Variants in ANKRD11 observed in about 807,000 individuals in gnomAD.
ANKRD11 encodes the protein ankyrin repeat domain-containing protein 11.
In ANKRD11, 17 loss-of-function variants were observed where a neutral mutation model predicts 195.7. That is an observed-to-expected ratio of 0.09 (90% CI 0.06 to 0.13). ANKRD11 has a LOEUF of 0.13. Among genes scored for constraint, ANKRD11 ranks in the 10% least tolerant of loss-of-function variants. The pLI is 1.00. For missense variants in ANKRD11, 3,735 were observed against 3,566.1 expected, an observed-to-expected ratio of 1.05 and a Z score of -1.21; for synonymous variants, 1,953 against 1,528.1, an observed-to-expected ratio of 1.28 and a Z score of -6.49.
chr16:89,477,157 T>C (rs889319291), intron 1 of ANKRD11, among the ~76,000 whole-genome samples: 1 of 151,666 alleles, frequency 6.6e-6, no homozygotes, highest in Admixed American at 6.6e-5. Context: ...ACAGGCACAA[T>C]AGAAGTATAA....
chr16:89,284,326 G>A lies in ANKRD11; in HGVS notation c.2216C>T (p.Ser739Leu), dbSNP rs146294483. 2.6e-4 allele frequency: 425 copies of A among 1,613,560 alleles called. No individual in the cohort carries two copies. The highest frequency in any genetic ancestry group is 3.3e-4 in the Non-Finnish European group (386 of 1,179,972). The change falls in exon 9 of 13, where the codon TCG becomes TTG. Residue 739 changes from serine to leucine, a missense_variant. Physicochemically the swap from Ser to Leu is moderately radical, Grantham distance 145. Transcript: ENST00000301030. ...CGATCTCTCCTTTTCTGCTTTATTC[G>A]AACGGTCTTTCTCTTCTCGGAAAGA... ...SRSFREEKDR[S>L]NKAEKERSLK...
chr16:89,285,135 G>A lies in ANKRD11; in HGVS notation c.1407C>T (p.Phe469=), dbSNP rs201654291. The change falls in exon 9 of 13, where the codon TTC becomes TTT. Residue 469 remains phenylalanine (F), a synonymous_variant. Coordinates refer to ENST00000301030, the MANE Select transcript of ANKRD11 (RefSeq NM_013275.6). The surrounding 1 kb of genome is among the most constrained non-coding windows in gnomAD (Gnocchi z 5.6). ...KKETKGREVR[F]GKRSDKFCSS... is the part of the protein sequence containing the mutation. ...AGCAGAACTTGTCGCTCCGCTTTCC[G>A]AAGCGAACCTCTCTGCCTTTTGTTT... 29 of 1,613,606 alleles carry A rather than the reference G, an allele frequency of 1.8e-5. No homozygotes were observed. Among genetic ancestry groups the A allele is most frequent in the Admixed American group, 1.0e-4 (6 of 60,026 alleles).
At chr16:89,475,506 G>T (rs1421567428) in intron 1 of ANKRD11, among the ~76,000 whole-genome samples, 3 of 152,140 alleles carry the variant, frequency 2.0e-5, no homozygotes, top group Non-Finnish European at 4.4e-5. Context: ...GTCAGGAAAA[G>T]AATTTTGATA....
chr16:89,383,442 G>A (rs928173984), intron 2 of ANKRD11, among the ~76,000 whole-genome samples: 4 of 152,196 alleles, frequency 2.6e-5, no homozygotes, highest in African/African-American at 9.7e-5. Context: ...TCAGAAAGGC[G>A]CTGTATCTAC....
chr16:89,426,989 G>A (rs2042743337), intron 1 of ANKRD11, among the ~76,000 whole-genome samples: 1 of 152,184 alleles, frequency 6.6e-6, no homozygotes, highest in African/African-American at 2.4e-5. Flanking sequence ...AGGAACCTCA[G>A]AATGAGATAC....
intron 1 of ANKRD11, among the ~76,000 whole-genome samples, chr16:89,434,743 T>C (rs1181182444): frequency 6.6e-6 from 1 of 152,240 alleles, no homozygotes; most frequent in Admixed American, 6.5e-5. Flanking sequence ...AGCCAAGGTC[T>C]TCTAGTTTGT....
chr16:89,433,354 T>C (rs2043079704), intron 1 of ANKRD11, among the ~76,000 whole-genome samples: 1 of 152,236 alleles, frequency 6.6e-6, no homozygotes, highest in African/African-American at 2.4e-5. Context: ...AAGTGTCCGT[T>C]GTCTCCTCTG....
intron 2 of ANKRD11, among the ~76,000 whole-genome samples, chr16:89,394,081 C>T (rs1422778174): frequency 1.3e-5 from 2 of 152,198 alleles, no homozygotes; most frequent in South Asian, 2.1e-4. Flanking sequence ...CTCCCTAGCC[C>T]TCCTGGAGAC....
intron 1 of ANKRD11, among the ~76,000 whole-genome samples, chr16:89,479,156 C>T (rs2057355377): frequency 6.6e-6 from 1 of 152,070 alleles, no homozygotes; most frequent in Admixed American, 6.6e-5. Flanking sequence ...CAACCCAACC[C>T]AGTCCCTGAA....
At chr16:89,309,605 C>T (rs954038152) in intron 3 of ANKRD11, among the ~76,000 whole-genome samples, 4 of 152,210 alleles carry the variant, frequency 2.6e-5, no homozygotes, top group Non-Finnish European at 5.9e-5. Flanking sequence ...AGGCTTGCCC[C>T]GAGCTGCCTA....
chr16:89,329,702 G>A (rs1405940259), intron 2 of ANKRD11, among the ~76,000 whole-genome samples: 1 of 152,200 alleles, frequency 6.6e-6, no homozygotes, highest in East Asian at 1.9e-4. Flanking sequence ...TTGGAATCAT[G>A]CATTTTACAT....
At chr16:89,427,775 G>A (rs1203386618) in intron 1 of ANKRD11, among the ~76,000 whole-genome samples, 1 of 151,702 alleles carries the variant, frequency 6.6e-6, no homozygotes, top group Non-Finnish European at 1.5e-5. Context: ...TTCCAGCCTG[G>A]GAGACAGAGT....
At chr16:89,438,623 GT>G (rs2043316301) in intron 1 of ANKRD11, among the ~76,000 whole-genome samples, 2 of 152,040 alleles carry the variant, frequency 1.3e-5, no homozygotes, top group Admixed American at 1.3e-4. Flanking sequence ...ATGAGCCACC[GT>G]GCCCATCCAA....
chr16:89,379,870 G>A (rs1412642158), intron 2 of ANKRD11, among the ~76,000 whole-genome samples: 1 of 152,138 alleles, frequency 6.6e-6, no homozygotes, highest in Non-Finnish European at 1.5e-5. Flanking sequence ...TGAAAATGCA[G>A]AAAAATAAAA....
intron 12 of ANKRD11, among the ~76,000 whole-genome samples, chr16:89,268,984 G>C (rs746391051): frequency 3.3e-5 from 5 of 152,242 alleles, no homozygotes; most frequent in Non-Finnish European, 5.9e-5. Context: ...TATTAGAATC[G>C]AACAGCTTTG....
At chr16:89,429,951 C>T (rs1437756346) in intron 1 of ANKRD11, among the ~76,000 whole-genome samples, 1 of 101,794 alleles carries the variant, frequency 9.8e-6, no homozygotes, top group African/African-American at 4.3e-5. Flanking sequence ...CGCGCTCAGA[C>T]GTTCTAGTAC....
intron 4 of ANKRD11, among the ~76,000 whole-genome samples, chr16:89,294,203 C>T (rs564550877): frequency 7.2e-4 from 109 of 152,296 alleles, no homozygotes; most frequent in African/African-American, 2.6e-3. Context: ...GCGGCCAGGA[C>T]AGCTTTACAG....
chr16:89,460,565 A>G (rs1417991073), intron 1 of ANKRD11, among the ~76,000 whole-genome samples: 2 of 152,162 alleles, frequency 1.3e-5, no homozygotes, highest in Non-Finnish European at 2.9e-5. Context: ...TCTCAAAAAC[A>G]AAACAAAACA....
At chr16:89,344,039 G>A (rs929354625) in intron 2 of ANKRD11, among the ~76,000 whole-genome samples, 1 of 152,150 alleles carries the variant, frequency 6.6e-6, no homozygotes, top group Non-Finnish European at 1.5e-5. Flanking sequence ...CACTCCTCAA[G>A]CCCGGCCCCG....
Sources: allele counts gnomAD v4.1 joint callset (sites outside exome capture counted in the v4.1 genomes callset), GRCh38; gene constraint gnomAD v4.1.1; non-coding constraint Gnocchi (gnomAD v3.1); transcripts MANE v1.5; gene names NCBI Gene and HGNC (gene_info 2026-07-23, HGNC 2026-07-21).